CCDC171: variants seen among roughly 807,000 people sequenced by gnomAD.
CCDC171 encodes coiled-coil domain containing 171.
CCDC171 carries 177 observed loss-of-function variants against 168.2 expected under a neutral mutation model. The observed-to-expected ratio is 1.05, with a 90% CI of 0.93 to 1.19. The LOEUF is 1.19. CCDC171 is among the 50% of genes most tolerant of loss of function. The pLI, the probability that CCDC171 is intolerant of heterozygous loss-of-function variation, is 0.00. For missense variants in CCDC171, 1,991 were observed against 1,539.0 expected, an observed-to-expected ratio of 1.29 and a Z score of -4.91; for synonymous variants, 687 against 540.8, an observed-to-expected ratio of 1.27 and a Z score of -3.75.
intron 3 of CCDC171, among the ~76,000 whole-genome samples, chr9:15,985,396 G>T (rs1485041021): frequency 1.3e-5 from 2 of 152,172 alleles, no homozygotes; most frequent in African/African-American, 4.8e-5. Context: ...TAATCTGTAA[G>T]TCAGCAGCAG....
At chr9:15,830,968 A>ATTTTT (rs71325936) in intron 21 of CCDC171, among the ~76,000 whole-genome samples, 9 of 122,994 alleles carry the variant, frequency 7.3e-5, no homozygotes, top group Non-Finnish European at 9.6e-5. Context: ...CCATATCTTA[A>ATTTTT]TTTTTTTTTT....
intron 7 of CCDC171, among the ~76,000 whole-genome samples, chr9:15,642,868 TTAAC>T (rs768062614): frequency 6.6e-6 from 1 of 152,118 alleles, no homozygotes; most frequent in Admixed American, 6.5e-5. Context: ...AGATCATTAA[TTAAC>T]TAATTAATAT....
At chr9:15,810,719 GCCCA>G (rs1444965013) in intron 21 of CCDC171, among the ~76,000 whole-genome samples, 1 of 152,182 alleles carries the variant, frequency 6.6e-6, no homozygotes, top group African/African-American at 2.4e-5. Context: ...CCGAGCCCAC[GCCCA>G]CCCGGAACTC....
chr9:15,910,969 G>A lies in CCDC171; in HGVS notation c.3601-9301G>A, dbSNP rs138939110. Among the ~76,000 whole-genome samples the A allele has an allele frequency of 4.8e-3, 726 of 152,124 alleles. 4 individuals are homozygous for A. The highest frequency in any genetic ancestry group is 7.2e-3 in the Non-Finnish European group (488 of 67,994). On this transcript the variant is annotated intron_variant, in intron 24 of 25. Transcript: ENST00000380701. ...ATTGATGGACATTTGGGTTGGTTCC[G>A]AGTCTTTGCTATTGTGAACAGTGCT...
intron 11 of CCDC171, among the ~76,000 whole-genome samples, chr9:15,700,324 G>T (rs1051605027): frequency 6.6e-6 from 1 of 152,202 alleles, no homozygotes; most frequent in Non-Finnish European, 1.5e-5. Flanking sequence ...AGGGCCGGCC[G>T]GCTGCTCTGA....
chr9:16,105,285 GA>G, the CCDC171 span, among the ~76,000 whole-genome samples: 1 of 152,214 alleles, frequency 6.6e-6, no homozygotes, highest in Non-Finnish European at 1.5e-5. Flanking sequence ...GTGTGGGGAA[GA>G]AGGCATCCCT....
intron 4 of CCDC171, among the ~76,000 whole-genome samples, chr9:15,582,389 A>G (rs1199987120): frequency 6.6e-6 from 1 of 152,234 alleles, no homozygotes; most frequent in Non-Finnish European, 1.5e-5. Context: ...TCAAGGATCT[A>G]GAACTAGAAA....
At chr9:15,793,639 C>T (rs13287389) in intron 21 of CCDC171, among the ~76,000 whole-genome samples, 2,606 of 134,700 alleles carry the variant, frequency 0.019, 94 homozygotes, top group African/African-American at 0.07. Context: ...AAGCTCTACT[C>T]TCCAGGTTCA....
chr9:15,820,880 CAA>C (rs1320489628), intron 21 of CCDC171, among the ~76,000 whole-genome samples: 1 of 115,770 alleles, frequency 8.6e-6, no homozygotes, highest in East Asian at 2.2e-4. Context: ...AGAGACACAA[CAA>C]AAAAAGAGAA....
chr9:15,702,548 C>T (rs990022155), intron 11 of CCDC171, among the ~76,000 whole-genome samples: 6 of 152,108 alleles, frequency 3.9e-5, no homozygotes, highest in Non-Finnish European at 8.8e-5. Context: ...TCACCAGCCA[C>T]ATTAGCCCCT....
chr9:16,059,521 T>A (rs1448825458), intron 1 of CCDC171, among the ~76,000 whole-genome samples: 9 of 142,266 alleles, frequency 6.3e-5, no homozygotes, highest in Non-Finnish European at 1.5e-5. Flanking sequence ...TTTTTTTTTT[T>A]TTTTGAGACG....
rs1385427793 is a variant in CCDC171, at chr9:15,817,747, C to A, written c.3268-28955C>A. 1.7e-5 allele frequency among the ~76,000 whole-genome samples: 2 copies of A among 118,766 alleles called. 1 individual carries two copies. Among genetic ancestry groups the A allele is most frequent in the Non-Finnish European group, 3.8e-5 (2 of 52,628 alleles). The allele number at this position is 118,766 out of a possible 152,430, so 77.9% of individuals were successfully genotyped here. A position where few individuals can be genotyped will look rare whatever the true frequency, so the allele number is the denominator to read the frequency against. On this transcript the variant is annotated intron_variant, in intron 21 of 25. Coordinates refer to ENST00000380701, the MANE Select transcript of CCDC171 (RefSeq NM_173550.4). ...ACAGCTCAAGGAGGACTGCCTGCCT[C>A]TGTAGGCTCTACCTCTGGGGGCAGG...
At chr9:15,792,561 G>A (rs1282095000) in intron 21 of CCDC171, among the ~76,000 whole-genome samples, 2 of 152,240 alleles carry the variant, frequency 1.3e-5, no homozygotes, top group African/African-American at 4.8e-5. Flanking sequence ...AAATGTTAAG[G>A]GCAGCCAGAG....
At position 15,727,673 on chromosome 9, in the gene CCDC171, C is replaced by T. The variant is rs187612031; in HGVS notation, c.1693-196C>T. Among the ~76,000 whole-genome samples the T allele has an allele frequency of 6.6e-5, 10 of 152,056 alleles. No individual in the cohort carries two copies. The East Asian group carries it at 1.7e-3, about 26-fold the overall frequency. The stretch of plus-strand genomic sequence containing the variant: ...GACTTCAGATTTCGATTTTGAATAC[C>T]AAGTGTAAGCAATTCCAAATGTTTT... On this transcript the variant is annotated intron_variant, in intron 14 of 25. Coordinates refer to ENST00000380701, the MANE Select transcript of CCDC171 (RefSeq NM_173550.4).
the CCDC171 span, among the ~76,000 whole-genome samples, chr9:16,069,714 C>T: frequency 6.6e-6 from 1 of 152,204 alleles, no homozygotes; most frequent in Admixed American, 6.5e-5. Flanking sequence ...ACCTCTGGAA[C>T]ACTATTCCCA....
chr9:15,734,096 G>A (rs2054328164), intron 16 of CCDC171, among the ~76,000 whole-genome samples: 1 of 152,178 alleles, frequency 6.6e-6, no homozygotes, highest in African/African-American at 2.4e-5. Context: ...TTTGAAGTAA[G>A]AGAATCAGTC....
At chr9:15,978,533 AC>A (rs1411005462), downstream of CCDC171, among the ~76,000 whole-genome samples, 1 of 152,122 alleles carries the variant, frequency 6.6e-6, no homozygotes, top group African/African-American at 2.4e-5. Context: ...TTCCTAAGAG[AC>A]AATTTTGAGG....
chr9:16,031,869 TGGCAGCCCCCAGGATCCAGCTGTACA>T (rs1833369036), intron 6 of CCDC171, among the ~76,000 whole-genome samples: 1 of 152,182 alleles, frequency 6.6e-6, no homozygotes, highest in Non-Finnish European at 1.5e-5. Context: ...CTGTGGGATG[TGGCAGCCCCCAGGATCCAGCTGTACA>T]GGCAGCCCCC....
intron 11 of CCDC171, among the ~76,000 whole-genome samples, chr9:15,715,938 T>A (rs1353172149): frequency 2.0e-5 from 3 of 152,204 alleles, no homozygotes; most frequent in African/African-American, 7.2e-5. Flanking sequence ...GGGCTACTAA[T>A]TCAAGAAAAG....
Sources: allele counts gnomAD v4.1 joint callset (sites outside exome capture counted in the v4.1 genomes callset), GRCh38; gene constraint gnomAD v4.1.1; transcripts MANE v1.5; gene names NCBI Gene and HGNC (gene_info 2026-07-23, HGNC 2026-07-21).